The following TRAPPC9 variants were observed in gnomAD, a reference collection of about 807,000 sequenced individuals.
TRAPPC9 encodes trafficking protein particle complex subunit 9, also known as IKK2 binding protein.
A neutral mutation model predicts 124.0 loss-of-function variants in TRAPPC9; 83 were observed. The ratio of observed to expected loss-of-function variants is 0.67; its 90% CI spans 0.56 to 0.80. The LOEUF (loss-of-function observed/expected upper bound fraction) is 0.80. Among genes scored for constraint, TRAPPC9 ranks in the 30% least tolerant of loss-of-function variants. The pLI is 0.00. For missense variants in TRAPPC9, 1,302 were observed against 1,508.3 expected (o/e 0.86, Z 2.27); for synonymous variants, 638 against 617.5 (o/e 1.03, Z -0.49).
At chr8:140,256,571 A>G (rs73366906) in intron 15 of TRAPPC9, among the ~76,000 whole-genome samples, 116 of 152,204 alleles carry the variant, frequency 7.6e-4, no homozygotes, top group African/African-American at 2.6e-3. Context: ...TTGCCATTCT[A>G]TGTGTATTCT....
At chr8:140,042,574 A>G (rs765131011) in intron 17 of TRAPPC9, among the ~76,000 whole-genome samples, 10 of 152,196 alleles carry the variant, frequency 6.6e-5, no homozygotes, top group Non-Finnish European at 1.3e-4. Context: ...AGTTTACCCC[A>G]GGACACCTGG....
chr8:140,292,360 C>T (rs1253691384), intron 11 of TRAPPC9, among the ~76,000 whole-genome samples: 2 of 152,168 alleles, frequency 1.3e-5, no homozygotes, highest in East Asian at 1.9e-4. Context: ...ACACAGCAAG[C>T]GAGAGGAGCT....
chr8:140,311,389 A>C lies in TRAPPC9; in HGVS notation c.1496-15T>G. 1 of 1,612,748 alleles carries C rather than the reference A, an allele frequency of 6.2e-7. No individual in the cohort carries two copies. Among genetic ancestry groups the C allele is most frequent in the Non-Finnish European group, 8.5e-7 (1 of 1,179,858 alleles). On this transcript the variant is annotated splice_polypyrimidine_tract_variant and intron_variant, in intron 9 of 22. Coordinates refer to ENST00000438773, the MANE Select transcript of TRAPPC9 (RefSeq NM_001160372.4). Reference sequence around the variant, plus strand: ...ATCTTTCTTTTCTGAAGAGAAGATGAAAACAAAATAAAGATGTATTAGGCA... The same window carrying C: ...ATCTTTCTTTTCTGAAGAGAAGATGCAAACAAAATAAAGATGTATTAGGCA...
intron 7 of TRAPPC9, among the ~76,000 whole-genome samples, chr8:140,389,392 T>TG (rs1477446292): frequency 7.2e-5 from 11 of 152,036 alleles, no homozygotes; most frequent in South Asian, 6.2e-4. Context: ...CAATCCCTCA[T>TG]AGGGGGGGTT....
At chr8:140,229,756 C>A (rs982494152) in intron 16 of TRAPPC9, among the ~76,000 whole-genome samples, 1 of 151,894 alleles carries the variant, frequency 6.6e-6, no homozygotes, top group African/African-American at 2.4e-5. Flanking sequence ...TGGGGTTTCA[C>A]CATGTTGGCC....
intron 4 of TRAPPC9, among the ~76,000 whole-genome samples, chr8:140,432,642 G>A (rs915939386): frequency 8.5e-5 from 13 of 152,166 alleles, no homozygotes; most frequent in African/African-American, 3.1e-4. Flanking sequence ...GGAGGCCGAG[G>A]CGGGCAGATC....
intron 21 of TRAPPC9, among the ~76,000 whole-genome samples, chr8:139,798,556 G>A (rs1256721304): frequency 6.6e-6 from 1 of 152,200 alleles, no homozygotes. Context: ...AAAGACAGGG[G>A]CACTGGGGAG....
chr8:140,328,618 T>C (rs2066804109), intron 9 of TRAPPC9, among the ~76,000 whole-genome samples: 1 of 152,062 alleles, frequency 6.6e-6, no homozygotes, highest in South Asian at 2.1e-4. Context: ...GATAAAAGGC[T>C]ACAAACTGGG....
chr8:140,070,283 A>C (rs190938123), intron 17 of TRAPPC9, among the ~76,000 whole-genome samples: 1 of 152,322 alleles, frequency 6.6e-6, no homozygotes, highest in East Asian at 1.9e-4. Context: ...AACATATAGA[A>C]ATGTCACAGC....
intron 19 of TRAPPC9, among the ~76,000 whole-genome samples, chr8:139,964,717 G>C (rs1028768445): frequency 6.6e-6 from 1 of 152,030 alleles, no homozygotes; most frequent in African/African-American, 2.4e-5. Flanking sequence ...ATAAAGAGAT[G>C]AAATGGTAGG....
chr8:140,123,032 G>A (rs1017016962), intron 17 of TRAPPC9, among the ~76,000 whole-genome samples: 2 of 152,168 alleles, frequency 1.3e-5, no homozygotes, highest in Admixed American at 1.3e-4. Context: ...CACCCACACA[G>A]CTGCCAATCT....
intron 20 of TRAPPC9, among the ~76,000 whole-genome samples, chr8:139,889,533 T>G (rs1292931062): frequency 2.6e-5 from 4 of 151,998 alleles, no homozygotes; most frequent in Non-Finnish European, 5.9e-5. Context: ...CAGTTTCAGT[T>G]TGGGAAGGTG....
upstream of TRAPPC9, chr8:140,458,191 C>A: frequency 1.9e-6 from 3 of 1,548,422 alleles, no homozygotes; most frequent in Admixed American, 5.9e-5. Flanking sequence ...GAGGGAGGGA[C>A]CGGAGCAAGA....
At chr8:140,209,847 T>C (rs780310544) in intron 17 of TRAPPC9, among the ~76,000 whole-genome samples, 3 of 152,202 alleles carry the variant, frequency 2.0e-5, no homozygotes, top group Non-Finnish European at 2.9e-5. Flanking sequence ...CCATAATAAG[T>C]TGGGAAACTT....
At chr8:140,424,154 GTTTT>G (rs370914597) in intron 5 of TRAPPC9, among the ~76,000 whole-genome samples, 4,035 of 150,444 alleles carry the variant, frequency 0.027, 195 homozygotes, top group African/African-American at 0.095. Flanking sequence ...TTGTTTGTTT[GTTTT>G]TTTAAAAAAA....
intron 8 of TRAPPC9, among the ~76,000 whole-genome samples, chr8:140,361,190 G>A (rs868116429): frequency 3.3e-5 from 5 of 152,248 alleles, no homozygotes; most frequent in African/African-American, 7.2e-5. Flanking sequence ...CTGAAAGTCC[G>A]TAATAGCTCA....
In TRAPPC9 at chr8:140,063,566, C is replaced by G. The variant is rs1036118269; in HGVS notation, c.2557-39487G>C. Among the ~76,000 whole-genome samples, 1 of 152,158 alleles carries G rather than the reference C, an allele frequency of 6.6e-6. No homozygotes were observed. The highest frequency in any genetic ancestry group is 2.4e-5 in the African/African-American group (1 of 41,424). On this transcript the variant is annotated intron_variant, in intron 17 of 22. Coordinates refer to ENST00000438773, the MANE Select transcript of TRAPPC9 (RefSeq NM_001160372.4). The surrounding 1 kb of genome is among the most constrained non-coding windows in gnomAD (Gnocchi z 4.3). ...TTGTTGAATGGATCGGGGAACAGAA[C>G]AGTGAACGGCAATAAAGAAAACTTA... is the stretch of plus-strand genomic sequence containing the variant.
At chr8:140,018,263 T>C (rs531534727) in intron 18 of TRAPPC9, among the ~76,000 whole-genome samples, 16 of 152,152 alleles carry the variant, frequency 1.1e-4, no homozygotes, top group African/African-American at 3.1e-4. Flanking sequence ...TTCTACTGCA[T>C]ATATTATTTT....
chr8:140,054,856 T>C (rs1587606058), intron 17 of TRAPPC9, among the ~76,000 whole-genome samples: 1 of 149,330 alleles, frequency 6.7e-6, no homozygotes, highest in Non-Finnish European at 1.5e-5. Flanking sequence ...CACAAAGAAA[T>C]AGAAAACCTC....
Sources: allele counts gnomAD v4.1 joint callset (sites outside exome capture counted in the v4.1 genomes callset), GRCh38; gene constraint gnomAD v4.1.1; non-coding constraint Gnocchi (gnomAD v3.1); transcripts MANE v1.5; gene names NCBI Gene and HGNC (gene_info 2026-07-23, HGNC 2026-07-21).